BEST2: variants seen among roughly 807,000 people sequenced by gnomAD.
BEST2 encodes bestrophin-2a.
Under a neutral mutation model 49.0 loss-of-function variants are expected in BEST2, and 36 were observed. The observed-to-expected ratio is 0.73, with a 90% CI of 0.56 to 0.97. BEST2 has a LOEUF of 0.97. BEST2 is among the 50% of genes least tolerant of loss of function. The pLI is 0.00. For synonymous variants in BEST2, 335 were observed against 304.4 expected (o/e 1.10, Z -1.05); for missense variants, 672 against 710.0 (o/e 0.95, Z 0.61).
chr19:12,755,524 C>T lies in BEST2; in HGVS notation c.714+68C>T. 6.2e-7 allele frequency: 1 copy of T among 1,610,276 alleles called. No homozygotes were observed. Among genetic ancestry groups the T allele is most frequent in the South Asian group, 1.1e-5 (1 of 90,990 alleles). The stretch of plus-strand genomic sequence containing the variant: ...CTGATGCCTGGTTTCCAAGGGGAAA[C>T]CAAGAACTAGCTAAGACCCCCATCA... On this transcript the variant is annotated intron_variant, in intron 6 of 9. Coordinates refer to ENST00000553030, the MANE Select transcript of BEST2 (RefSeq NM_017682.3). This position sits in a 1 kb window ranked among gnomAD's most constrained non-coding sequence, Gnocchi z 4.4.
At chr19:12,752,349 C>T (rs1033989426) in intron 1 of BEST2, among the ~76,000 whole-genome samples, 193 bp from the exon 2 acceptor site, 2 of 151,466 alleles carry the variant, frequency 1.3e-5, no homozygotes, top group African/African-American at 2.4e-5. Context: ...CCAGAGCCCA[C>T]GGCCAGGAGT....
rs1967969865 is a variant in BEST2 at position 12,758,203 on chromosome 19, G to A, written c.*126G>A. ...CCACCTACACTTTTGACCAGCTCTC[G>A]CTGCCCGCATGTGTTTGGCGCTGTG... On this transcript the variant is annotated 3_prime_UTR_variant, in exon 10 of 10. Transcript: ENST00000553030. 2 of 1,194,942 alleles carry A rather than the reference G, an allele frequency of 1.7e-6. No homozygotes were observed. Among genetic ancestry groups the A allele is most frequent in the Non-Finnish European group, 2.3e-6 (2 of 859,618 alleles). 74.0% of individuals were successfully genotyped at this position (1,194,942 alleles called of 1,614,324 possible). A position where few individuals can be genotyped will look rare whatever the true frequency, so the allele number is the denominator to read the frequency against.
rs1967931245 is a variant in BEST2 at position 12,755,494 on chromosome 19, T to C, written c.714+38T>C. 1.2e-6 allele frequency: 2 copies of C among 1,611,416 alleles called. No homozygotes were observed. The highest frequency in any genetic ancestry group is 1.7e-6 in the Non-Finnish European group (2 of 1,177,560). On this transcript the variant is annotated intron_variant, in intron 6 of 9. Coordinates refer to ENST00000553030, the MANE Select transcript of BEST2 (RefSeq NM_017682.3). The surrounding 1 kb of genome is among the most constrained non-coding windows in gnomAD (Gnocchi z 4.4). Reference sequence around the variant, plus strand: ...TGCCTCTTTTTATATTCGGTGTCAGTGGCCCTGATGCCTGGTTTCCAAGGG... The same window carrying C: ...TGCCTCTTTTTATATTCGGTGTCAGCGGCCCTGATGCCTGGTTTCCAAGGG...
intron 2 of BEST2, 94 bp from the exon 3 acceptor site, chr19:12,753,166 A>G: frequency 1.5e-6 from 2 of 1,358,684 alleles, no homozygotes; most frequent in Non-Finnish European, 2.1e-6. Flanking sequence ...CAGCTATTAT[A>G]AAAGAAGCCA....
chr19:12,753,423 G>A (rs1967896642), intron 3 of BEST2, 69 bp downstream of exon 3: 10 of 1,466,610 alleles, frequency 6.8e-6, no homozygotes, highest in Middle Eastern at 3.4e-4. Flanking sequence ...TGCCTTTTGA[G>A]GAGCCCCCAT....
In BEST2 at chr19:12,755,452, C is replaced by T. The variant is rs866786611; in HGVS notation, c.710C>T (p.Thr237Met). ...YDWISVPLVY[T>M]QVVTIALYSY... ...TGGATTAGCGTACCCCTCGTGTACA[C>T]GCAGGTAACCCCATCATGCCTCTTT... Residue 237 changes from threonine (T) to methionine (M), a missense_variant, in exon 6 of 10, where the codon ACG becomes ATG. Physicochemically the swap from Thr to Met is moderately conservative, Grantham distance 81. Coordinates refer to ENST00000553030, the MANE Select transcript of BEST2 (RefSeq NM_017682.3). The surrounding 1 kb of genome is among the most constrained non-coding windows in gnomAD (Gnocchi z 4.4). The T allele has an allele frequency of 1.6e-5, 26 of 1,614,102 alleles. No individual in the cohort carries two copies. The highest frequency in any genetic ancestry group is 3.3e-5 in the Admixed American group (2 of 60,012).
In BEST2 at chr19:12,755,737, G is replaced by A. The variant is rs1967935680; in HGVS notation, c.837G>A (p.Leu279=). 1.2e-6 allele frequency: 2 copies of A among 1,613,996 alleles called. No homozygotes were observed. Among genetic ancestry groups the A allele is most frequent in the Non-Finnish European group, 1.7e-6 (2 of 1,180,010 alleles). Residue 279 remains leucine (L), a synonymous_variant, in exon 7 of 10, where the codon TTG becomes TTA. Transcript: ENST00000553030. This position sits in a 1 kb window ranked among gnomAD's most constrained non-coding sequence, Gnocchi z 4.4. ...TGTGTGTGCCCATCTTCACCCTCTT[G>A]CAGTTCTTCTTCTACGCCGGCTGGC... ...LDLCVPIFTL[L]QFFFYAGWLK... is the part of the protein sequence containing the mutation.
rs36076549 is a variant in BEST2 at position 12,754,062 on chromosome 19, C to CTTTTTTTTT, written c.248-467_248-459dup. Among the ~76,000 whole-genome samples the CTTTTTTTTT allele has an allele frequency of 2.2e-4, 12 of 54,456 alleles. 1 individual carries two copies. The highest frequency in any genetic ancestry group is 3.1e-4 in the Non-Finnish European group (9 of 28,750). 35.7% of individuals were successfully genotyped at this position (54,456 alleles called of 152,430 possible). On this transcript the variant is annotated intron_variant, in intron 3 of 9. Transcript: ENST00000553030. Reference sequence around the variant, plus strand: ...CCAGTGACCCAAAGGGCTGCTCTGCCTTTTTTTTTTTTTTTTTTTTTTTTT... The same window carrying CTTTTTTTTT: ...CCAGTGACCCAAAGGGCTGCTCTGCCTTTTTTTTTTTTTTTTTTTTTTTTTTTTTTTTTT...
Position 12,757,864 on chromosome 19 carries a change from C to G in BEST2, c.1317C>G (p.Pro439=). 5.2e-6 allele frequency: 8 copies of G among 1,549,274 alleles called. No homozygotes were observed. The highest frequency in any genetic ancestry group is 2.4e-5 in the South Asian group (2 of 84,100). Residue 439 remains proline (P), a synonymous_variant, in exon 10 of 10, where the codon CCC becomes CCG. Coordinates refer to ENST00000553030, the MANE Select transcript of BEST2 (RefSeq NM_017682.3). ...CCAGCTGCTCATGCGCGGTTGTCCC[C>G]GAAGGCGCGGCCCCGGAGTGCAGCT... ...TGASCSCAVV[P]EGAAPECSCG...
Position 12,758,078 on chromosome 19 carries a change from G to T in BEST2, c.*1G>T. The T allele has an allele frequency of 6.2e-7, 1 of 1,612,456 alleles. No individual in the cohort carries two copies. The highest frequency in any genetic ancestry group is 8.5e-7 in the Non-Finnish European group (1 of 1,179,750). The stretch of plus-strand genomic sequence containing the variant: ...CGAGGAGGAGGAGAATCTGGCCTGA[G>T]ATCTTAGAGCCCAGCCCCCTAAGGA... On this transcript the variant is annotated 3_prime_UTR_variant, in exon 10 of 10. Coordinates refer to ENST00000553030, the MANE Select transcript of BEST2 (RefSeq NM_017682.3).
At chr19:12,757,160 C>T (rs975600367) in intron 9 of BEST2, among the ~76,000 whole-genome samples, 5 of 150,522 alleles carry the variant, frequency 3.3e-5, no homozygotes, top group African/African-American at 1.2e-4. Context: ...TAAAAATAGG[C>T]CGGGTGCGGT....
At chr19:12,753,032 G>A (rs1322231816) in intron 2 of BEST2, among the ~76,000 whole-genome samples, 1 of 151,930 alleles carries the variant, frequency 6.6e-6, no homozygotes, top group Non-Finnish European at 1.5e-5. Flanking sequence ...TGTATTTTTA[G>A]TAGAGATGGG....
At position 12,754,983 on chromosome 19, in the gene BEST2, A is replaced by T. The variant is rs765139193; in HGVS notation, c.588A>T (p.Arg196=). 5.0e-6 allele frequency: 8 copies of T among 1,612,366 alleles called. No homozygotes were observed. The South Asian group carries it at 8.8e-5, about 18-fold the overall frequency. The change falls in exon 5 of 10, where the codon CGA becomes CGT. Residue 196 remains arginine, a synonymous_variant. Transcript: ENST00000553030. ...VWFSNLAAQA[R]REGRIRDNSA... The stretch of plus-strand genomic sequence containing the variant: ...TCTCCAACCTGGCGGCACAGGCCCG[A>T]CGCGAGGGCCGCATCCGCGACAACA...
intron 1 of BEST2, 51 bp from the exon 2 acceptor site, chr19:12,752,491 G>A: frequency 7.7e-7 from 1 of 1,296,182 alleles, no homozygotes; most frequent in Admixed American, 1.8e-5. Flanking sequence ...CGGAACATGG[G>A]TGGAATCCCT....
At position 12,758,353 on chromosome 19, in the gene BEST2, G is replaced by A. The variant is rs1320992198; in HGVS notation, c.*276G>A. The A allele has an allele frequency of 1.9e-6, 1 of 518,240 alleles. No individual in the cohort carries two copies. The highest frequency in any genetic ancestry group is 2.7e-5 in the South Asian group (1 of 36,894). The allele number at this position is 518,240 out of a possible 1,614,324, so 32.1% of individuals were successfully genotyped here. On this transcript the variant is annotated 3_prime_UTR_variant, in exon 10 of 10. Coordinates refer to ENST00000553030, the MANE Select transcript of BEST2 (RefSeq NM_017682.3). The stretch of plus-strand genomic sequence containing the variant: ...GCCTGAATTCTTTCCTTCAAGTGAA[G>A]ATGTGACTGACTACCTCCTCGAGTT...
chr19:12,754,673 C>T lies in BEST2; in HGVS notation c.369C>T (p.Leu123=), dbSNP rs1967914725. The T allele has an allele frequency of 3.2e-6, 5 of 1,572,758 alleles. No individual in the cohort carries two copies. In the Admixed American group the frequency reaches 7.4e-5, roughly 23 times the overall value. Residue 123 remains leucine, a synonymous_variant, in exon 4 of 10, where the codon CTC becomes CTT. Coordinates refer to ENST00000553030, the MANE Select transcript of BEST2 (RefSeq NM_017682.3). The part of the protein sequence containing the change: ...TVHGRDDRGR[L]YRRTLMRYAG... The stretch of plus-strand genomic sequence containing the variant: ...ACGGACGCGACGACCGCGGCCGCCT[C>T]TACCGGCGCACACTCATGCGCTACG...
chr19:12,756,251 C>T lies in BEST2; in HGVS notation c.1059C>T (p.Phe353=). 2 of 1,614,038 alleles carry T rather than the reference C, an allele frequency of 1.2e-6. No homozygotes were observed. The highest frequency in any genetic ancestry group is 8.5e-7 in the Non-Finnish European group (1 of 1,180,052). The change falls in exon 9 of 10, where the codon TTC becomes TTT. Residue 353 remains phenylalanine (F), a synonymous_variant. Transcript: ENST00000553030. ...ARAPYTAATV[F]QLRQPSFQGS... ...CCCCATACACAGCGGCTACTGTCTT[C>T]CAGCTGCGGCAGCCTTCCTTCCAGG... is the stretch of plus-strand genomic sequence containing the variant.
Position 12,755,720 on chromosome 19 carries a change from C to T in BEST2, c.820C>T (p.Pro274Ser). The T allele has an allele frequency of 1.9e-6, 3 of 1,614,140 alleles. No individual in the cohort carries two copies. Among genetic ancestry groups the T allele is most frequent in the Non-Finnish European group, 2.5e-6 (3 of 1,180,030 alleles). Residue 274 changes from proline (P) to serine (S), a missense_variant, in exon 7 of 10, where the codon CCC becomes TCC. Physicochemically the swap from Pro to Ser is moderately conservative, Grantham distance 74. Transcript: ENST00000553030. This position sits in a 1 kb window ranked among gnomAD's most constrained non-coding sequence, Gnocchi z 4.4. Reference sequence around the variant, plus strand: ...AGACCACGACCTAGACCTGTGTGTGCCCATCTTCACCCTCTTGCAGTTCTT... The same window carrying T: ...AGACCACGACCTAGACCTGTGTGTGTCCATCTTCACCCTCTTGCAGTTCTT... ...YKDHDLDLCV[P>S]IFTLLQFFFY...
In BEST2 at chr19:12,754,630, T is replaced by TGGTGGCG; in HGVS notation, c.329_335dup (p.Thr113GlyfsTer62). Reference sequence around the variant, plus strand: ...CCGCTGCCCGACGCGCTCATGTGCGTGGTGGCGGGCACCGTGCACGGACGC... The same window carrying TGGTGGCG: ...CCGCTGCCCGACGCGCTCATGTGCGTGGTGGCGGGTGGCGGGCACCGTGCACGGACGC... On this transcript the variant is annotated frameshift_variant, in exon 4 of 10. Transcript: ENST00000553030. LOFTEE classifies it high-confidence loss of function. The TGGTGGCG allele has an allele frequency of 6.4e-7, 1 of 1,563,460 alleles. No homozygotes were observed.
Sources: gnomAD v4.1 joint callset for allele counts (sites outside exome capture counted in the v4.1 genomes callset) on GRCh38, gnomAD v4.1.1 for gene constraint, Gnocchi (gnomAD v3.1) non-coding constraint, MANE v1.5 for transcripts, NCBI Gene and HGNC (gene_info 2026-07-23, HGNC 2026-07-21) for gene names.